WSCD1: variants seen among roughly 807,000 people sequenced by gnomAD.
The protein encoded by WSCD1 is sialate:O-sulfotransferase 1.
A neutral mutation model predicts 60.4 loss-of-function variants in WSCD1; 41 were observed. The ratio of observed to expected loss-of-function variants is 0.68; its 90% CI spans 0.53 to 0.88. The LOEUF is 0.88. WSCD1 is among the 40% of genes least tolerant of loss of function. WSCD1 has a pLI of 0.00. For synonymous variants in WSCD1, 361 were observed against 332.5 expected (o/e 1.09, Z -0.93); for missense variants, 784 against 796.2 (o/e 0.98, Z 0.18).
chr17:6,070,978 CGGGAGGGCGCTGCGGTTGGTCCCG>C (rs1192635462), intron 1 of WSCD1: 1 of 151,972 alleles, frequency 6.6e-6, no homozygotes, highest in Non-Finnish European at 1.5e-5. Flanking sequence ...GTCCGTCACC[CGGGAGGGCGCTGCGGTTGGTCCCG>C]GGGAGGGGGC....
In WSCD1 at chr17:6,120,739, G is replaced by C; in HGVS notation, c.*78G>C. On this transcript the variant is annotated 3_prime_UTR_variant, in exon 9 of 9. Transcript: ENST00000317744. The stretch of plus-strand genomic sequence containing the variant: ...GCTGCGCTCCCCACTCTGATGCTCA[G>C]GCCCGTGGCCTCACTGGGACGAACG... The C allele has an allele frequency of 6.8e-7, 1 of 1,464,668 alleles. No individual in the cohort carries two copies. Among genetic ancestry groups the C allele is most frequent in the Middle Eastern group, 2.0e-4 (1 of 5,044 alleles). 90.7% of individuals were successfully genotyped at this position (1,464,668 alleles called of 1,614,324 possible). A position where few individuals can be genotyped will look rare whatever the true frequency, so the allele number is the denominator to read the frequency against.
intron 2 of WSCD1, 112 bp downstream of exon 2, chr17:6,081,197 TCTTTC>T: frequency 7.9e-7 from 1 of 1,269,300 alleles, no homozygotes; most frequent in Non-Finnish European, 1.1e-6. Context: ...GCTAGATGGT[TCTTTC>T]CTTCTGCTCT....
chr17:6,069,733 C>T (rs984324946), upstream of WSCD1, among the ~76,000 whole-genome samples: 1 of 149,432 alleles, frequency 6.7e-6, no homozygotes, highest in African/African-American at 2.5e-5. Context: ...GTGTGTGAAG[C>T]TGTGACCGTC....
In WSCD1 at chr17:6,122,345, G is replaced by A. The variant is rs1386211368; in HGVS notation, c.*1684G>A. On this transcript the variant is annotated 3_prime_UTR_variant, in exon 9 of 9. Transcript: ENST00000317744. ...CCTGGTGGCCTCCAAATCCTTCCTG[G>A]GATTCCCCCAAACCCACACTGATGC... 1 of 152,142 alleles carries A rather than the reference G, an allele frequency of 6.6e-6. No homozygotes were observed. The highest frequency in any genetic ancestry group is 1.5e-5 in the Non-Finnish European group (1 of 68,028). 9.4% of individuals were successfully genotyped at this position (152,142 alleles called of 1,614,324 possible).
At chr17:6,093,184 A>G (rs908745394) in intron 4 of WSCD1, among the ~76,000 whole-genome samples, 1 of 152,270 alleles carries the variant, frequency 6.6e-6, no homozygotes, top group Non-Finnish European at 1.5e-5. Context: ...ACCAGGTGAC[A>G]ACCTGTGTCC....
chr17:6,102,354 A>G (rs950165367), intron 5 of WSCD1, among the ~76,000 whole-genome samples: 14 of 152,012 alleles, frequency 9.2e-5, no homozygotes, highest in Middle Eastern at 3.2e-3. Context: ...GTCTTTGCCA[A>G]TGGTTGGGTC....
chr17:6,116,659 G>C (rs1322619911), intron 7 of WSCD1, among the ~76,000 whole-genome samples: 1 of 152,194 alleles, frequency 6.6e-6, no homozygotes, highest in Non-Finnish European at 1.5e-5. Context: ...AGGCCTTTTG[G>C]TATTTGGCCC....
At position 6,121,631 on chromosome 17, in the gene WSCD1, A is replaced by G. The variant is rs994239090; in HGVS notation, c.*970A>G. 1 of 152,280 alleles carries G rather than the reference A, an allele frequency of 6.6e-6. No individual in the cohort carries two copies. Among genetic ancestry groups the G allele is most frequent in the Non-Finnish European group, 1.5e-5 (1 of 68,102 alleles). 9.4% of individuals were successfully genotyped at this position (152,280 alleles called of 1,614,324 possible). ...GACCCCTGGGGACCTGTACACTAGCAGGATGGGTCTTGGGAGTTGGCATGG... is the reference window on the plus strand; with the variant it reads ...GACCCCTGGGGACCTGTACACTAGCGGGATGGGTCTTGGGAGTTGGCATGG... On this transcript the variant is annotated 3_prime_UTR_variant, in exon 9 of 9. Coordinates refer to ENST00000317744, the MANE Select transcript of WSCD1 (RefSeq NM_015253.2).
chr17:6,103,325 TG>T (rs1004868211), intron 5 of WSCD1, among the ~76,000 whole-genome samples: 1 of 152,198 alleles, frequency 6.6e-6, no homozygotes, highest in African/African-American at 2.4e-5. Flanking sequence ...TTTCAGTGTG[TG>T]GGGGATGTTT....
rs565339920 is a variant in WSCD1, at chr17:6,081,713, G to A, written c.427+628G>A. On this transcript the variant is annotated intron_variant, in intron 2 of 8. Coordinates refer to ENST00000317744, the MANE Select transcript of WSCD1 (RefSeq NM_015253.2). ...GAAGGAGACTCTGTCTCAAAAAAAA[G>A]AAAAAAAAAAAATTAGACGTGTCAC... Among the ~76,000 whole-genome samples, 967 of 142,224 alleles carry A rather than the reference G, an allele frequency of 6.8e-3. 6 individuals carry two copies. The highest frequency in any genetic ancestry group is 0.023 in the East Asian group (115 of 4,946). The allele number at this position is 142,224 out of a possible 152,430, so 93.3% of individuals were successfully genotyped here.
At chr17:6,091,226 A>G (rs562650619) in intron 4 of WSCD1, among the ~76,000 whole-genome samples, 1 of 152,364 alleles carries the variant, frequency 6.6e-6, no homozygotes, top group African/African-American at 2.4e-5. Context: ...GGTGTGAGCT[A>G]GATAATCAGA....
Position 6,120,363 on chromosome 17 carries a change from A to T in WSCD1, c.1430A>T (p.Asp477Val). ...TCGTGGTGGTCCTCGCACGTCCTGG[A>T]CTGGCTCAAGTACGGGAAGCGGCTG... Reference protein sequence around the residue: ...YASWWSSHVLDWLKYGKRLLV... With the variant: ...YASWWSSHVLVWLKYGKRLLV... The change falls in exon 9 of 9, where the codon GAC (aspartate) becomes GTC (valine). Residue 477 changes from aspartate (D) to valine (V), a missense_variant. Asp to Val is a radical substitution (Grantham distance 152). Transcript: ENST00000317744. 6.2e-7 allele frequency: 1 copy of T among 1,614,088 alleles called. No homozygotes were observed. The highest frequency in any genetic ancestry group is 8.5e-7 in the Non-Finnish European group (1 of 1,180,018).
chr17:6,071,556 G>C (rs1171108330), intron 1 of WSCD1, among the ~76,000 whole-genome samples: 1 of 152,266 alleles, frequency 6.6e-6, no homozygotes, highest in Non-Finnish European at 1.5e-5. Context: ...TCTAACATGA[G>C]ATACCCGCAT....
At position 6,120,517 on chromosome 17, in the gene WSCD1, C is replaced by T. The variant is rs1323808450; in HGVS notation, c.1584C>T (p.Phe528=). 1 of 1,613,794 alleles carries T rather than the reference C, an allele frequency of 6.2e-7. No homozygotes were observed. The highest frequency in any genetic ancestry group is 8.5e-7 in the Non-Finnish European group (1 of 1,179,990). The stretch of plus-strand genomic sequence containing the variant: ...TGGAGAACAACAAGGAGGGCAGCTT[C>T]CGGCGGCGCGGCCGGCGCTCCCACG... ...LCVENNKEGS[F]RRRGRRSHDP... is the part of the protein sequence containing the mutation. Residue 528 remains phenylalanine, a synonymous_variant, in exon 9 of 9, where the codon TTC becomes TTT. Transcript: ENST00000317744.
At chr17:6,102,055 A>C (rs1910839057) in intron 5 of WSCD1, among the ~76,000 whole-genome samples, 1 of 152,180 alleles carries the variant, frequency 6.6e-6, no homozygotes, top group South Asian at 2.1e-4. Context: ...GGAGGAAGAA[A>C]GGTGTTGAGC....
Position 6,114,725 on chromosome 17 carries a change from C to T in WSCD1, c.1175-3263C>T, listed in dbSNP as rs572121367. Among the ~76,000 whole-genome samples, 6 of 151,680 alleles carry T rather than the reference C, an allele frequency of 4.0e-5. No individual in the cohort carries two copies. The East Asian group carries it at 1.2e-3, about 29-fold the overall frequency. On this transcript the variant is annotated intron_variant, in intron 7 of 8. Transcript: ENST00000317744. ...TTCTGGGATGCATGTGCAGAATGTG[C>T]AGGTTTGTTACATAGGTATGCATGT...
At chr17:6,071,585 A>G (rs1908547251) in intron 1 of WSCD1, among the ~76,000 whole-genome samples, 1 of 152,220 alleles carries the variant, frequency 6.6e-6, no homozygotes, top group African/African-American at 2.4e-5. Context: ...TTGCTGGAAC[A>G]GCATGCTTAG....
At chr17:6,091,372 T>C (rs1567553875) in intron 4 of WSCD1, among the ~76,000 whole-genome samples, 1 of 151,790 alleles carries the variant, frequency 6.6e-6, no homozygotes, top group African/African-American at 2.4e-5. Flanking sequence ...AGACCCACAG[T>C]GGAGAGAGTT....
In WSCD1 at chr17:6,100,222, G is replaced by T. The variant is rs546054721; in HGVS notation, c.849+4999G>T. Among the ~76,000 whole-genome samples the T allele has an allele frequency of 8.5e-5, 13 of 152,314 alleles. No homozygotes were observed. In the South Asian group the frequency reaches 2.7e-3, roughly 32 times the overall value. ...CAGGGAGGAGGATGAGGCATGGATG[G>T]GTTTGTGGGTGAGCGGGGCAGCTGA... On this transcript the variant is annotated intron_variant, in intron 5 of 8. Transcript: ENST00000317744.
Sources: gnomAD v4.1 joint callset for allele counts (sites outside exome capture counted in the v4.1 genomes callset) on GRCh38, gnomAD v4.1.1 for gene constraint, MANE v1.5 for transcripts, NCBI Gene and HGNC (gene_info 2026-07-23, HGNC 2026-07-21) for gene names.